The following ZNF365 variants were observed in gnomAD, a reference collection of about 807,000 sequenced individuals.
ZNF365 encodes the protein protein ZNF365.
Under a neutral mutation model 35.0 loss-of-function variants are expected in ZNF365, and 22 were observed. The observed-to-expected ratio is 0.63, with a 90% CI of 0.45 to 0.90. The LOEUF (loss-of-function observed/expected upper bound fraction) is 0.90, where lower values mean the gene tolerates loss of function less well. ZNF365 is among the 40% of genes least tolerant of loss of function. ZNF365 has a pLI of 0.00. For missense variants in ZNF365, 448 were observed against 500.3 expected, an observed-to-expected ratio of 0.90 and a Z score of 1.00; for synonymous variants, 188 against 196.2, an observed-to-expected ratio of 0.96 and a Z score of 0.35.
intron 3 of ZNF365, among the ~76,000 whole-genome samples, chr10:62,397,622 C>T (rs984173194): frequency 1.3e-5 from 2 of 152,184 alleles, no homozygotes; most frequent in East Asian, 1.9e-4. Context: ...TATTCCAAGC[C>T]CAGCCACAAA....
At chr10:62,441,326 C>T (rs116000150) in intron 3 of ZNF365, among the ~76,000 whole-genome samples, 2 of 152,136 alleles carry the variant, frequency 1.3e-5, no homozygotes, top group Non-Finnish European at 2.9e-5. Context: ...TTCATGAAGC[C>T]TTCTTTGACT....
intron 3 of ZNF365, among the ~76,000 whole-genome samples, chr10:62,453,674 T>C (rs1840719976): frequency 1.3e-5 from 2 of 152,218 alleles, no homozygotes; most frequent in South Asian, 4.1e-4. Flanking sequence ...CTGGATCAAA[T>C]GGTAGTTCTA....
intron 3 of ZNF365, among the ~76,000 whole-genome samples, chr10:62,420,582 T>A (rs7073661): frequency 0.61 from 93,486 of 152,052 alleles, 29,444 homozygotes; most frequent in East Asian, 0.84. Context: ...GTAAATAGAA[T>A]ACTTAGCAAG....
intron 3 of ZNF365, among the ~76,000 whole-genome samples, chr10:62,412,841 C>T (rs1271933286): frequency 1.3e-5 from 2 of 152,152 alleles, no homozygotes; most frequent in African/African-American, 4.8e-5. Flanking sequence ...AATGGTCATA[C>T]TACCAAAAGT....
chr10:62,375,078 A>G (rs1375703942), intron 1 of ZNF365, among the ~76,000 whole-genome samples: 1 of 152,124 alleles, frequency 6.6e-6, no homozygotes, highest in Non-Finnish European at 1.5e-5. Flanking sequence ...CTTTTCACCC[A>G]AAGACCCCAG....
chr10:62,466,697 GT>G (rs61021349), intron 4 of ZNF365, among the ~76,000 whole-genome samples: 13,316 of 148,152 alleles, frequency 0.09, 1,754 homozygotes, highest in African/African-American at 0.29. Flanking sequence ...ATATACTATA[GT>G]TTTTTTTTTT....
chr10:62,472,128 C>T (rs962476651), intron 4 of ZNF365, among the ~76,000 whole-genome samples: 8 of 152,200 alleles, frequency 5.3e-5, no homozygotes, highest in Admixed American at 4.6e-4. Flanking sequence ...TCATAGATTA[C>T]ATTTACCGTT....
chr10:62,383,528 TA>T (rs1267445708), intron 2 of ZNF365, among the ~76,000 whole-genome samples: 1 of 152,166 alleles, frequency 6.6e-6, no homozygotes, highest in Non-Finnish European at 1.5e-5. Flanking sequence ...TGAAGGAAGT[TA>T]AAATAGACAT....
chr10:62,460,989 T>A (rs1840838165), intron 4 of ZNF365, among the ~76,000 whole-genome samples: 2 of 152,162 alleles, frequency 1.3e-5, no homozygotes, highest in Admixed American at 6.5e-5. Context: ...TGTTAAAAAT[T>A]CAAACAATTC....
intron 3 of ZNF365, among the ~76,000 whole-genome samples, chr10:62,398,159 G>GCAGCA (rs1350444667): frequency 6.6e-6 from 1 of 152,164 alleles, no homozygotes; most frequent in Non-Finnish European, 1.5e-5. Context: ...CATGTTTATA[G>GCAGCA]CAGCACAATT....
In ZNF365 at chr10:62,376,841, G is replaced by A; in HGVS notation, c.648G>A (p.Arg216=). 1 of 1,614,182 alleles carries A rather than the reference G, an allele frequency of 6.2e-7. No individual in the cohort carries two copies. Among genetic ancestry groups the A allele is most frequent in the Non-Finnish European group, 8.5e-7 (1 of 1,180,046 alleles). The change falls in exon 2 of 5, where the codon CGG becomes CGA. Residue 216 remains arginine, a synonymous_variant. Coordinates refer to ENST00000395254, the MANE Select transcript of ZNF365 (RefSeq NM_014951.3). The part of the protein sequence containing the change: ...QKKQEVQRRE[R]ALNRQVDVAV... ...AGCAGGAAGTTCAGAGACGAGAGCGGGCCTTAAACAGACAGGTGGACGTGG... is the reference window on the plus strand; with the variant it reads ...AGCAGGAAGTTCAGAGACGAGAGCGAGCCTTAAACAGACAGGTGGACGTGG...
chr10:62,395,940 C>T (rs1475983824), intron 3 of ZNF365, among the ~76,000 whole-genome samples: 1 of 152,130 alleles, frequency 6.6e-6, no homozygotes, highest in Non-Finnish European at 1.5e-5. Flanking sequence ...TTTTGATCCT[C>T]ATCTTAACAT....
Position 62,374,434 on chromosome 10 carries a change from TGCA to T in ZNF365, c.-25_-23del, listed in dbSNP as rs3830349. The T allele has an allele frequency of 0.56, 85,613 of 152,030 alleles. 25,753 individuals are homozygous for T. The highest frequency in any genetic ancestry group is 0.78 in the East Asian group (3,974 of 5,112). The allele number at this position is 152,030 out of a possible 1,614,324, so 9.4% of individuals were successfully genotyped here. A position where few individuals can be genotyped will look rare whatever the true frequency, so the allele number is the denominator to read the frequency against. On this transcript the variant is annotated 5_prime_UTR_variant, in exon 1 of 5. Transcript: ENST00000395254. Reference sequence around the variant, plus strand: ...CAGCATCAGCACCGGAGGCGGCGGCTGCAGCAGCAGCAGCAACAAGTCGGGTAA... The same window carrying T: ...CAGCATCAGCACCGGAGGCGGCGGCTGCAGCAGCAGCAACAAGTCGGGTAA...
Position 62,400,357 on chromosome 10 carries a change from C to A in ZNF365, c.*568C>A, listed in dbSNP as rs7902778. 8.1e-6 allele frequency: 8 copies of A among 986,250 alleles called. No homozygotes were observed. In the African/African-American group the frequency reaches 1.4e-4, roughly 17 times the overall value. 61.1% of individuals were successfully genotyped at this position (986,250 alleles called of 1,614,324 possible). A position where few individuals can be genotyped will look rare whatever the true frequency, so the allele number is the denominator to read the frequency against. ...CAATTTCTGGGTTGCTCAAGGGACT[C>A]GTTCAGTCAGACTTCAGTTCTCATT... is the stretch of plus-strand genomic sequence containing the variant. On this transcript the variant is annotated 3_prime_UTR_variant, in exon 5 of 5. Transcript: ENST00000395254.
At chr10:62,475,650 T>C (rs1197721302) in intron 4 of ZNF365, among the ~76,000 whole-genome samples, 2 of 152,156 alleles carry the variant, frequency 1.3e-5, no homozygotes, top group Non-Finnish European at 2.9e-5. Flanking sequence ...ATCCGTGGCA[T>C]AGAGCCCCAT....
chr10:62,456,434 C>T (rs1401186285), intron 3 of ZNF365, among the ~76,000 whole-genome samples: 1 of 152,162 alleles, frequency 6.6e-6, no homozygotes, highest in Non-Finnish European at 1.5e-5. Context: ...GCCACTCCCC[C>T]ACCCCTCTCT....
intron 3 of ZNF365, among the ~76,000 whole-genome samples, chr10:62,413,809 A>G (rs1840027712): frequency 6.6e-6 from 1 of 152,194 alleles, no homozygotes; most frequent in South Asian, 2.1e-4. Flanking sequence ...GCCATCCAAT[A>G]TACAAATATT....
At chr10:62,438,842 C>T (rs1840449217) in intron 3 of ZNF365, among the ~76,000 whole-genome samples, 1 of 152,140 alleles carries the variant, frequency 6.6e-6, no homozygotes, top group Non-Finnish European at 1.5e-5. Flanking sequence ...CAGTATGCTT[C>T]TCACAGTACT....
intron 4 of ZNF365, among the ~76,000 whole-genome samples, chr10:62,470,781 T>C (rs1841020692): frequency 6.6e-6 from 1 of 151,852 alleles, no homozygotes; most frequent in African/African-American, 2.4e-5. Flanking sequence ...AATTAGCTTG[T>C]GTGTGTGTGT....
Sources: gnomAD v4.1 joint callset for allele counts (sites outside exome capture counted in the v4.1 genomes callset) on GRCh38, gnomAD v4.1.1 for gene constraint, MANE v1.5 for transcripts, NCBI Gene and HGNC (gene_info 2026-07-23, HGNC 2026-07-21) for gene names.